The following FAT3 variants were observed in gnomAD, a reference collection of about 807,000 sequenced individuals.
FAT3 encodes protocadherin Fat 3.
In FAT3, 95 loss-of-function variants were observed where a neutral mutation model predicts 310.2. That is an observed-to-expected ratio of 0.31 (90% confidence interval 0.26 to 0.36). FAT3 has a LOEUF of 0.36. FAT3 is among the 10% of genes least tolerant of loss of function. The pLI, the probability that FAT3 is intolerant of heterozygous loss-of-function variation, is 1.00. For synonymous variants in FAT3, 2,314 were observed against 2,192.9 expected, an observed-to-expected ratio of 1.06 and a Z score of -1.54; for missense variants, 5,408 against 5,715.6, an observed-to-expected ratio of 0.95 and a Z score of 1.74.
chr11:92,843,515 G>T (rs1948598276), intron 18 of FAT3, among the ~76,000 whole-genome samples: 1 of 152,208 alleles, frequency 6.6e-6, no homozygotes, highest in South Asian at 2.1e-4. Flanking sequence ...ATGCAGAAAG[G>T]TGCTATCTGG....
At chr11:92,619,707 G>C (rs375274910) in intron 3 of FAT3, among the ~76,000 whole-genome samples, 2 of 150,874 alleles carry the variant, frequency 1.3e-5, no homozygotes, top group African/African-American at 4.9e-5. Flanking sequence ...GTTAATAGTC[G>C]TTTCTCATTT....
At chr11:92,416,540 A>G (rs1365048582) in intron 2 of FAT3, among the ~76,000 whole-genome samples, 5 of 152,202 alleles carry the variant, frequency 3.3e-5, no homozygotes, top group Non-Finnish European at 5.9e-5. Flanking sequence ...TAATTGGGAA[A>G]ATGGATATGA....
intron 19 of FAT3, among the ~76,000 whole-genome samples, chr11:92,853,007 C>A (rs1420967314): frequency 6.6e-6 from 1 of 152,200 alleles, no homozygotes; most frequent in Non-Finnish European, 1.5e-5. Context: ...CTGGTGACAC[C>A]TTTTGCCTGA....
intron 4 of FAT3, among the ~76,000 whole-genome samples, chr11:92,711,232 T>C (rs1422119186): frequency 6.6e-6 from 1 of 152,198 alleles, no homozygotes; most frequent in Admixed American, 6.5e-5. Flanking sequence ...TAATAAATAC[T>C]TTATATAGTT....
intron 2 of FAT3, among the ~76,000 whole-genome samples, chr11:92,515,834 T>A (rs899451439): frequency 6.6e-6 from 1 of 152,140 alleles, no homozygotes; most frequent in African/African-American, 2.4e-5. Flanking sequence ...AAAGTCATGA[T>A]AGTGATGATA....
intron 3 of FAT3, among the ~76,000 whole-genome samples, chr11:92,661,889 T>G (rs775220089): frequency 6.6e-6 from 1 of 151,986 alleles, no homozygotes; most frequent in Non-Finnish European, 1.5e-5. Context: ...AATCTTTGTG[T>G]TTTGTTGGAG....
rs140144590 is a variant in FAT3, at chr11:92,342,262, A to G, written c.-17-9834A>G. 1.1e-4 allele frequency among the ~76,000 whole-genome samples: 16 copies of G among 152,112 alleles called. No individual in the cohort carries two copies. In the East Asian group the frequency reaches 1.9e-3, roughly 18 times the overall value. On this transcript the variant is annotated intron_variant, in intron 1 of 27. Transcript: ENST00000525166. ...GGTCACGTGATGCCCCTTCACCTCAATGATGTATGGCAGCTCTACGTATGC... is the reference window on the plus strand; with the variant it reads ...GGTCACGTGATGCCCCTTCACCTCAGTGATGTATGGCAGCTCTACGTATGC...
At chr11:92,227,771 A>G (rs1351102970) in intron 1 of FAT3, among the ~76,000 whole-genome samples, 2 of 105,340 alleles carry the variant, frequency 1.9e-5, no homozygotes, top group Admixed American at 1.9e-4. Flanking sequence ...TTTTTTCTTT[A>G]TTCCTAAATT....
intron 3 of FAT3, among the ~76,000 whole-genome samples, chr11:92,578,536 G>A (rs190348598): frequency 6.6e-6 from 1 of 152,240 alleles, no homozygotes; most frequent in East Asian, 1.9e-4. Flanking sequence ...GCATTCCACT[G>A]TGCCTTGTTG....
chr11:92,559,726 T>C (rs1398463622), intron 3 of FAT3, among the ~76,000 whole-genome samples: 1 of 152,172 alleles, frequency 6.6e-6, no homozygotes, highest in Non-Finnish European at 1.5e-5. Context: ...TCACGTAACA[T>C]ATAGTCTTTT....
At chr11:92,502,535 G>A (rs575108322) in intron 2 of FAT3, among the ~76,000 whole-genome samples, 66 of 152,226 alleles carry the variant, frequency 4.3e-4, no homozygotes, top group African/African-American at 1.5e-3. Flanking sequence ...TCCAGAGGAG[G>A]AAAAGCAGAG....
At chr11:92,663,491 C>CA (rs1311393482) in intron 3 of FAT3, among the ~76,000 whole-genome samples, 2 of 152,128 alleles carry the variant, frequency 1.3e-5, no homozygotes, top group African/African-American at 4.8e-5. Context: ...ACTTAAATAG[C>CA]AACTGCCTCT....
chr11:92,808,683 T>C (rs529874732), intron 12 of FAT3, among the ~76,000 whole-genome samples: 1 of 152,224 alleles, frequency 6.6e-6, no homozygotes, highest in Admixed American at 6.5e-5. Flanking sequence ...CCCCGCACTT[T>C]GGGAGGCCGA....
chr11:92,466,766 T>C (rs1395524740), intron 2 of FAT3, among the ~76,000 whole-genome samples: 3 of 123,114 alleles, frequency 2.4e-5, no homozygotes, highest in Non-Finnish European at 4.8e-5. Flanking sequence ...CAGAGTGTGA[T>C]GTTCCGCTTC....
intron 4 of FAT3, among the ~76,000 whole-genome samples, chr11:92,707,122 A>G (rs1442108652): frequency 6.6e-6 from 1 of 152,228 alleles, no homozygotes; most frequent in Non-Finnish European, 1.5e-5. Flanking sequence ...AGCCACCTCT[A>G]ATTTACCTGT....
intron 13 of FAT3, among the ~76,000 whole-genome samples, chr11:92,820,527 C>T (rs758517433): frequency 6.6e-6 from 1 of 152,202 alleles, no homozygotes; most frequent in African/African-American, 2.4e-5. Flanking sequence ...GATCACTTGC[C>T]CCAGGGGAAG....
intron 9 of FAT3, among the ~76,000 whole-genome samples, chr11:92,796,552 C>T (rs1947178564): frequency 6.6e-6 from 1 of 152,118 alleles, no homozygotes; most frequent in South Asian, 2.1e-4. Flanking sequence ...ATGATTTTAA[C>T]ATTTAAATTA....
intron 3 of FAT3, among the ~76,000 whole-genome samples, chr11:92,609,672 C>T (rs996565512): frequency 3.9e-5 from 6 of 152,136 alleles, no homozygotes; most frequent in African/African-American, 1.4e-4. Context: ...AACTATCAAC[C>T]TGCAAATAAA....
chr11:92,567,552 C>G (rs1955507339), intron 3 of FAT3, among the ~76,000 whole-genome samples: 1 of 151,410 alleles, frequency 6.6e-6, no homozygotes. Flanking sequence ...ACCCAAAGGA[C>G]TATAGATCAT....
Sources: allele counts gnomAD v4.1 joint callset (sites outside exome capture counted in the v4.1 genomes callset), GRCh38; gene constraint gnomAD v4.1.1; transcripts MANE v1.5; gene names NCBI Gene and HGNC (gene_info 2026-07-23, HGNC 2026-07-21).